EYS: variants seen among roughly 807,000 people sequenced by gnomAD.
EYS encodes the protein EGF-like photoreceptor maintenance factor.
In EYS, 250 loss-of-function variants were observed where a neutral mutation model predicts 282.1. That is an observed-to-expected ratio of 0.89 (90% CI 0.80 to 0.98). The LOEUF (loss-of-function observed/expected upper bound fraction) is 0.98. Ranked by LOEUF, EYS falls within the 50% of genes least tolerant of loss-of-function variation. The pLI is 0.00. For missense variants in EYS, 4,016 were observed against 3,709.0 expected, an observed-to-expected ratio of 1.08 and a Z score of -2.15; for synonymous variants, 1,355 against 1,282.9, an observed-to-expected ratio of 1.06 and a Z score of -1.20.
At chr6:64,871,731 G>T (rs1260423028) in intron 19 of EYS, among the ~76,000 whole-genome samples, 1 of 151,996 alleles carries the variant, frequency 6.6e-6, no homozygotes, top group East Asian at 1.9e-4. Flanking sequence ...TACAAATTTT[G>T]CAGATGCAGC....
intron 26 of EYS, among the ~76,000 whole-genome samples, chr6:64,568,546 T>C (rs1160456993): frequency 6.6e-6 from 1 of 152,108 alleles, no homozygotes; most frequent in Non-Finnish European, 1.5e-5. Context: ...GGGGCAGCTG[T>C]GGGCAGCTTC....
At position 63,721,622 on chromosome 6, in the gene EYS, A is replaced by G; in HGVS notation, c.8409T>C (p.Asn2803=). The part of the protein sequence containing the change: ...AEGYLDLDGI[N]VTEKASTKMS... ...TTTTAGTGGAGGCCTTTTCTGTTAC[A>G]TTTATCCCATCTAGATCCAGGTAGC... is the stretch of plus-strand genomic sequence containing the variant. The change falls in exon 43 of 43, where the codon AAT becomes AAC. Residue 2803 remains asparagine (N), a synonymous_variant. Transcript: ENST00000503581. 1.9e-6 allele frequency: 3 copies of G among 1,551,238 alleles called. No homozygotes were observed. The highest frequency in any genetic ancestry group is 1.7e-6 in the Non-Finnish European group (2 of 1,146,568).
intron 41 of EYS, among the ~76,000 whole-genome samples, chr6:63,761,880 G>C (rs1769651856): frequency 6.6e-6 from 1 of 152,050 alleles, no homozygotes; most frequent in South Asian, 2.1e-4. Flanking sequence ...AGGTATTAAA[G>C]AGAAGGTAGC....
chr6:64,118,536 C>G (rs1482146990), intron 31 of EYS, among the ~76,000 whole-genome samples: 2 of 151,944 alleles, frequency 1.3e-5, no homozygotes, highest in Non-Finnish European at 2.9e-5. Flanking sequence ...CAAAACTGAA[C>G]TCAAAATGGA....
intron 2 of EYS, among the ~76,000 whole-genome samples, chr6:65,632,997 T>C: frequency 6.6e-6 from 1 of 152,124 alleles, no homozygotes; most frequent in Admixed American, 6.5e-5. Context: ...ACACAGCAAA[T>C]ATGTCTATCT....
At chr6:64,773,948 G>T (rs1773603483) in intron 22 of EYS, among the ~76,000 whole-genome samples, 1 of 151,758 alleles carries the variant, frequency 6.6e-6, no homozygotes, top group Non-Finnish European at 1.5e-5. Flanking sequence ...GGTCCTATTT[G>T]TCAACTTTTG....
intron 36 of EYS, among the ~76,000 whole-genome samples, chr6:63,823,344 ATACT>A (rs1562043504): frequency 1.3e-5 from 2 of 152,180 alleles, no homozygotes; most frequent in East Asian, 3.8e-4. Context: ...ATACGATGAA[ATACT>A]TACAAATGTG....
chr6:63,738,879 G>C (rs958738360), intron 41 of EYS, among the ~76,000 whole-genome samples: 5 of 152,092 alleles, frequency 3.3e-5, no homozygotes, highest in African/African-American at 1.2e-4. Context: ...CCCACTAGCA[G>C]CATTAACTTT....
At chr6:65,586,293 T>C (rs894607083) in intron 2 of EYS, among the ~76,000 whole-genome samples, 3 of 152,060 alleles carry the variant, frequency 2.0e-5, no homozygotes, top group African/African-American at 7.2e-5. Flanking sequence ...TATGGTAATA[T>C]GCACTGCTCT....
chr6:64,938,365 T>C (rs1768979568), intron 15 of EYS, among the ~76,000 whole-genome samples: 1 of 151,208 alleles, frequency 6.6e-6, no homozygotes, highest in East Asian at 1.9e-4. Context: ...AGAGACCACA[T>C]TGACACACTT....
At chr6:64,284,765 G>A (rs1238274388) in intron 30 of EYS, among the ~76,000 whole-genome samples, 1 of 152,104 alleles carries the variant, frequency 6.6e-6, no homozygotes, top group Admixed American at 6.5e-5. Context: ...AACACAACCT[G>A]GAAGCTGCCA....
At chr6:65,415,447 T>C (rs532689602) in intron 5 of EYS, among the ~76,000 whole-genome samples, 55 of 152,124 alleles carry the variant, frequency 3.6e-4, no homozygotes, top group Middle Eastern at 3.4e-3. Flanking sequence ...AGGGAGGTCT[T>C]AGAGGTTGTC....
chr6:64,619,118 G>A (rs1421774977), intron 23 of EYS, among the ~76,000 whole-genome samples: 1 of 152,104 alleles, frequency 6.6e-6, no homozygotes, highest in African/African-American at 2.4e-5. Flanking sequence ...TATAGAGGTG[G>A]CGAGAATTAT....
intron 36 of EYS, among the ~76,000 whole-genome samples, chr6:63,814,085 A>G (rs1398382783): frequency 1.3e-5 from 2 of 152,168 alleles, no homozygotes; most frequent in Non-Finnish European, 2.9e-5. Context: ...CCGAAATGCA[A>G]TTAGGTTATC....
intron 5 of EYS, among the ~76,000 whole-genome samples, chr6:65,477,571 A>T (rs1199817733): frequency 6.6e-6 from 1 of 152,212 alleles, no homozygotes; most frequent in East Asian, 1.9e-4. Context: ...GCCCCCAGTG[A>T]TAGCCAATTC....
chr6:64,765,668 G>T (rs1053712280), intron 22 of EYS, among the ~76,000 whole-genome samples: 1 of 152,144 alleles, frequency 6.6e-6, no homozygotes, highest in Non-Finnish European at 1.5e-5. Flanking sequence ...CAAGGCAAAG[G>T]TGAAGCAAGC....
chr6:64,934,237 T>C (rs1468224606), intron 15 of EYS, among the ~76,000 whole-genome samples: 3 of 151,848 alleles, frequency 2.0e-5, no homozygotes, highest in Non-Finnish European at 4.4e-5. Flanking sequence ...AAGATAAGTT[T>C]ATTAAGATAA....
chr6:65,289,197 TAAG>T (rs1263094871), intron 12 of EYS, among the ~76,000 whole-genome samples: 2 of 151,128 alleles, frequency 1.3e-5, no homozygotes, highest in East Asian at 3.9e-4. Context: ...TGGATTAAAA[TAAG>T]AAACTTTTAA....
At chr6:65,459,028 A>C (rs1400724029) in intron 5 of EYS, among the ~76,000 whole-genome samples, 1 of 152,168 alleles carries the variant, frequency 6.6e-6, no homozygotes, top group Non-Finnish European at 1.5e-5. Context: ...GTTGATATTT[A>C]ATAGGATTTG....
Sources: gnomAD v4.1 joint callset for allele counts (sites outside exome capture counted in the v4.1 genomes callset) on GRCh38, gnomAD v4.1.1 for gene constraint, MANE v1.5 for transcripts, NCBI Gene and HGNC (gene_info 2026-07-23, HGNC 2026-07-21) for gene names.